The following TMEM106B variants were observed in gnomAD, a reference collection of about 807,000 sequenced individuals.
The protein encoded by TMEM106B is transmembrane protein 106B.
Under a neutral mutation model 31.1 loss-of-function variants are expected in TMEM106B, and 15 were observed. The observed-to-expected ratio is 0.48, with a 90% confidence interval of 0.32 to 0.74. The LOEUF is 0.74. Ranked by LOEUF, TMEM106B falls within the 30% of genes least tolerant of loss-of-function variation. The pLI is 0.03. For synonymous variants in TMEM106B, 126 were observed against 112.5 expected, an observed-to-expected ratio of 1.12 and a Z score of -0.76; for missense variants, 283 against 327.3, an observed-to-expected ratio of 0.86 and a Z score of 1.04.
At chr7:12,229,317 T>C (rs1781965647) in intron 4 of TMEM106B, among the ~76,000 whole-genome samples, 1 of 152,162 alleles carries the variant, frequency 6.6e-6, no homozygotes, top group Non-Finnish European at 1.5e-5. Context: ...AAATCTCTAC[T>C]AGTGTACAAG....
At chr7:12,228,306 T>C (rs1456078443) in intron 4 of TMEM106B, among the ~76,000 whole-genome samples, 1 of 151,900 alleles carries the variant, frequency 6.6e-6, no homozygotes, top group Non-Finnish European at 1.5e-5. Context: ...TTCATATCTT[T>C]CTACATATTC....
chr7:12,215,040 G>A lies in TMEM106B; in HGVS notation c.217+13G>A. On this transcript the variant is annotated intron_variant, in intron 2 of 7. Coordinates refer to ENST00000396668, the MANE Select transcript of TMEM106B (RefSeq NM_001134232.2). ...AGAATTCCTAGGGGTATGTGTTATT[G>A]TATTGTTTTCCCTTTAAATGATTTT... The A allele has an allele frequency of 6.2e-7, 1 of 1,601,242 alleles. No homozygotes were observed. The highest frequency in any genetic ancestry group is 8.5e-7 in the Non-Finnish European group (1 of 1,173,024).
intron 4 of TMEM106B, among the ~76,000 whole-genome samples, chr7:12,225,261 CT>C (rs1303006931): frequency 6.6e-6 from 1 of 152,162 alleles, no homozygotes; most frequent in Admixed American, 6.5e-5. Context: ...TTAATCCAGT[CT>C]ATAATTGATG....
rs923097937 is a variant in TMEM106B at position 12,236,662 on chromosome 7, C to G, written c.*4687C>G. 7 of 151,968 alleles carry G rather than the reference C, an allele frequency of 4.6e-5. No homozygotes were observed. Among genetic ancestry groups the G allele is most frequent in the African/African-American group, 1.7e-4 (7 of 41,420 alleles). 9.4% of individuals were successfully genotyped at this position (151,968 alleles called of 1,614,324 possible). A position where few individuals can be genotyped will look rare whatever the true frequency, so the allele number is the denominator to read the frequency against. The stretch of plus-strand genomic sequence containing the variant: ...CCCACTTCACCCAGAATTTTAGAAA[C>G]TAGAAGTCTGGGAGGTACTATATCA... On this transcript the variant is annotated 3_prime_UTR_variant, in exon 8 of 8. Coordinates refer to ENST00000396668, the MANE Select transcript of TMEM106B (RefSeq NM_001134232.2).
chr7:12,223,888 T>A (rs892236310), intron 3 of TMEM106B, among the ~76,000 whole-genome samples: 4 of 152,014 alleles, frequency 2.6e-5, no homozygotes, highest in African/African-American at 9.7e-5. Context: ...ACCTGGCTAA[T>A]TTTTGTGTTT....
chr7:12,229,125 C>T (rs559658099), intron 4 of TMEM106B, among the ~76,000 whole-genome samples: 17 of 151,950 alleles, frequency 1.1e-4, no homozygotes, highest in Admixed American at 3.9e-4. Flanking sequence ...TTTTATTTAA[C>T]ATTTTTAAAT....
rs906818272 is a variant in TMEM106B, at chr7:12,238,956, A to G, written c.*6981A>G. On this transcript the variant is annotated 3_prime_UTR_variant, in exon 8 of 8. Transcript: ENST00000396668. ...AAAGTCACCAGCTACATTCACCACT[A>G]AAGAGAGTCAGCCTGTCCTTTAAAG... 2 of 152,158 alleles carry G rather than the reference A, an allele frequency of 1.3e-5. No individual in the cohort carries two copies. The highest frequency in any genetic ancestry group is 2.4e-5 in the African/African-American group (1 of 41,444). The allele number at this position is 152,158 out of a possible 1,614,324, so 9.4% of individuals were successfully genotyped here. A position where few individuals can be genotyped will look rare whatever the true frequency, so the allele number is the denominator to read the frequency against.
In TMEM106B at chr7:12,235,661, C is replaced by T. The variant is rs1166145183; in HGVS notation, c.*3686C>T. ...TTGGAGGGCATGTGCCCAACTCTCC[C>T]GCACCCCATTTTGTTTGTCTTTTAA... is the stretch of plus-strand genomic sequence containing the variant. On this transcript the variant is annotated 3_prime_UTR_variant, in exon 8 of 8. Transcript: ENST00000396668. 1.3e-5 allele frequency: 2 copies of T among 151,732 alleles called. No individual in the cohort carries two copies. The highest frequency in any genetic ancestry group is 6.6e-5 in the Admixed American group (1 of 15,228). 9.4% of individuals were successfully genotyped at this position (151,732 alleles called of 1,614,324 possible).
Position 12,229,721 on chromosome 7 carries a change from G to A in TMEM106B, c.484G>A (p.Val162Ile). 1.2e-6 allele frequency: 2 copies of A among 1,612,774 alleles called. No homozygotes were observed. Among genetic ancestry groups the A allele is most frequent in the Non-Finnish European group, 1.7e-6 (2 of 1,179,548 alleles). The change falls in exon 5 of 8, where the codon GTT (valine) becomes ATT (isoleucine). Residue 162 changes from valine to isoleucine, a missense_variant. By Grantham distance (29) the Val-to-Ile change is conservative. Transcript: ENST00000396668. The stretch of plus-strand genomic sequence containing the variant: ...AAACAATAACTATTACTCTGTCGAA[G>A]TTGAAAACATCACTGCCCAAGTTCA... ...ITNNNYYSVE[V>I]ENITAQVQFS...
intron 4 of TMEM106B, among the ~76,000 whole-genome samples, chr7:12,225,887 T>C (rs1781891431): frequency 6.6e-6 from 1 of 152,208 alleles, no homozygotes; most frequent in Admixed American, 6.5e-5. Flanking sequence ...AATTTTGGCT[T>C]TTGTTGCCAT....
At chr7:12,230,816 C>G (rs952984531) in intron 6 of TMEM106B, 3 of 347,570 alleles carry the variant, frequency 8.6e-6, no homozygotes, top group Non-Finnish European at 1.5e-5. Context: ...AGAAGATGAG[C>G]AAAATATATA....
intron 5 of TMEM106B, 86 bp from the exon 6 acceptor site, chr7:12,230,303 T>C: frequency 2.0e-6 from 2 of 976,624 alleles, no homozygotes; most frequent in Non-Finnish European, 3.3e-6. Context: ...GAGAAAAATT[T>C]CTAATTATTT....
intron 3 of TMEM106B, 106 bp downstream of exon 3, chr7:12,218,627 C>A: frequency 1.1e-6 from 1 of 875,034 alleles, no homozygotes; most frequent in Non-Finnish European, 1.7e-6. Flanking sequence ...AGAAAAAATG[C>A]TGTCACGTAG....
rs750422580 is a variant in TMEM106B, at chr7:12,229,697, A to G, written c.460A>G (p.Asn154Asp). Residue 154 changes from asparagine (N) to aspartate (D), a missense_variant, in exon 5 of 8, where the codon AAC (asparagine) becomes GAC (aspartate). Asn to Asp is a conservative substitution (Grantham distance 23). Around this residue, in one of 3 missense-constraint regions of TMEM106B, gnomAD observed 201 missense variants for 211.5 expected, o/e 0.95. Transcript: ENST00000396668. ...LNITNTLNIT[N>D]NNYYSVEVEN... ...TTTGTAGAACACACTAAATATAACA[A>G]ACAATAACTATTACTCTGTCGAAGT... 1 of 1,601,260 alleles carries G rather than the reference A, an allele frequency of 6.2e-7. No individual in the cohort carries two copies. The highest frequency in any genetic ancestry group is 8.5e-7 in the Non-Finnish European group (1 of 1,176,400).
rs886894579 is a variant in TMEM106B, at chr7:12,239,268, C to T, written c.*7293C>T. 6.6e-6 allele frequency: 1 copy of T among 152,128 alleles called. No individual in the cohort carries two copies. Among genetic ancestry groups the T allele is most frequent in the South Asian group, 2.1e-4 (1 of 4,832 alleles). The allele number at this position is 152,128 out of a possible 1,614,324, so 9.4% of individuals were successfully genotyped here. The stretch of plus-strand genomic sequence containing the variant: ...TCAATAGCTTCCTCATCTCTCTCAG[C>T]CTTCATAGAATTGAAGCGTGTTAGG... On this transcript the variant is annotated 3_prime_UTR_variant, in exon 8 of 8. Coordinates refer to ENST00000396668, the MANE Select transcript of TMEM106B (RefSeq NM_001134232.2).
Position 12,239,741 on chromosome 7 carries a change from CTT to C in TMEM106B, c.*7773_*7774del, listed in dbSNP as rs908237976. On this transcript the variant is annotated 3_prime_UTR_variant, in exon 8 of 8. Coordinates refer to ENST00000396668, the MANE Select transcript of TMEM106B (RefSeq NM_001134232.2). ...GTTAGGAGAGCAGTCCGAACACACA[CTT>C]TTTTTTATTACTTTCACTGCCTTAC... is the stretch of plus-strand genomic sequence containing the variant. 7.2e-5 allele frequency: 11 copies of C among 152,076 alleles called. No homozygotes were observed. The highest frequency in any genetic ancestry group is 2.7e-4 in the African/African-American group (11 of 41,486). The allele number at this position is 152,076 out of a possible 1,614,324, so 9.4% of individuals were successfully genotyped here.
Position 12,236,776 on chromosome 7 carries a change from T to C in TMEM106B, c.*4801T>C, listed in dbSNP as rs1481614404. 1 of 152,034 alleles carries C rather than the reference T, an allele frequency of 6.6e-6. No individual in the cohort carries two copies. The highest frequency in any genetic ancestry group is 6.6e-5 in the Admixed American group (1 of 15,252). The allele number at this position is 152,034 out of a possible 1,614,324, so 9.4% of individuals were successfully genotyped here. A position where few individuals can be genotyped will look rare whatever the true frequency, so the allele number is the denominator to read the frequency against. ...GAAACAAATGCCAAGTTGCAAAATA[T>C]GCAGATTTTTATTATATAATGGTTT... On this transcript the variant is annotated 3_prime_UTR_variant, in exon 8 of 8. Coordinates refer to ENST00000396668, the MANE Select transcript of TMEM106B (RefSeq NM_001134232.2).
intron 2 of TMEM106B, among the ~76,000 whole-genome samples, chr7:12,218,210 G>C (rs192483408): frequency 6.6e-6 from 1 of 150,730 alleles, no homozygotes; most frequent in African/African-American, 2.4e-5. Flanking sequence ...TTTTTTAGTG[G>C]AAGAAAAAGT....
intron 1 of TMEM106B, 111 bp from the exon 2 acceptor site, chr7:12,214,696 CAG>C: frequency 1.1e-6 from 1 of 931,524 alleles, no homozygotes. Context: ...AAATATTTTA[CAG>C]AGTTTGACTG....
Sources: allele counts gnomAD v4.1 joint callset (sites outside exome capture counted in the v4.1 genomes callset), GRCh38; gene constraint gnomAD v4.1.1; regional missense constraint gnomAD v4.1.1; transcripts MANE v1.5; gene names NCBI Gene and HGNC (gene_info 2026-07-23, HGNC 2026-07-21).